Variants in GBE1 observed in about 807,000 individuals in gnomAD.
GBE1 encodes 1,4-alpha-glucan-branching enzyme.
In GBE1, 70 loss-of-function variants were observed where a neutral mutation model predicts 88.8. The observed-to-expected ratio is 0.79, with a 90% CI of 0.65 to 0.96. GBE1 has a LOEUF of 0.96. GBE1 is among the 40% of genes least tolerant of loss of function. The pLI, the probability that GBE1 is intolerant of heterozygous loss-of-function variation, is 0.00. For missense variants in GBE1, 872 were observed against 871.0 expected (o/e 1.00, Z -0.01); for synonymous variants, 284 against 300.1 (o/e 0.95, Z 0.56).
chr3:81,708,797 G>C (rs897004885), intron 1 of GBE1, among the ~76,000 whole-genome samples: 3 of 151,980 alleles, frequency 2.0e-5, no homozygotes, highest in Non-Finnish European at 2.9e-5. Flanking sequence ...AATAACTGTG[G>C]AATATCCAAA....
At chr3:81,661,948 A>C (rs913758609) in intron 3 of GBE1, among the ~76,000 whole-genome samples, 1 of 152,190 alleles carries the variant, frequency 6.6e-6, no homozygotes, top group African/African-American at 2.4e-5. Flanking sequence ...TTGCATTTTA[A>C]ATATATTTAT....
intron 10 of GBE1, among the ~76,000 whole-genome samples, chr3:81,585,596 T>C (rs1559653164): frequency 6.6e-6 from 1 of 152,190 alleles, no homozygotes; most frequent in Admixed American, 6.6e-5. Flanking sequence ...AAGTACCATG[T>C]ACAGTTATTC....
chr3:81,631,115 G>T (rs1474671737), intron 7 of GBE1, among the ~76,000 whole-genome samples: 3 of 151,980 alleles, frequency 2.0e-5, no homozygotes, highest in Non-Finnish European at 4.4e-5. Flanking sequence ...TAGGTGGGAG[G>T]ATTGCTTGGG....
intron 5 of GBE1, among the ~76,000 whole-genome samples, chr3:81,646,921 G>C (rs1334722585): frequency 6.7e-6 from 1 of 148,494 alleles, no homozygotes; most frequent in African/African-American, 2.5e-5. Context: ...TATAGCATAA[G>C]AAATAGCACC....
chr3:81,585,672 C>A (rs1253821579), intron 10 of GBE1, among the ~76,000 whole-genome samples: 1 of 152,052 alleles, frequency 6.6e-6, no homozygotes, highest in Non-Finnish European at 1.5e-5. Context: ...TGAATCCAAT[C>A]CAAATTTGTT....
chr3:81,759,418 T>A lies in GBE1; in HGVS notation c.143+1957A>T, dbSNP rs575666774. 3.0e-3 allele frequency among the ~76,000 whole-genome samples: 463 copies of A among 152,358 alleles called. 1 individual carries two copies. Among genetic ancestry groups the A allele is most frequent in the Non-Finnish European group, 4.8e-3 (328 of 68,032 alleles). The stretch of plus-strand genomic sequence containing the variant: ...GTGTTTGACTGGTTATGTATTTGTG[T>A]TAGGCCAAAGACACACAGTCCAAAT... On this transcript the variant is annotated intron_variant, in intron 1 of 15. Coordinates refer to ENST00000429644, the MANE Select transcript of GBE1 (RefSeq NM_000158.4).
intron 7 of GBE1, among the ~76,000 whole-genome samples, chr3:81,638,112 G>T (rs925237445): frequency 2.6e-5 from 4 of 151,996 alleles, no homozygotes; most frequent in Non-Finnish European, 5.9e-5. Flanking sequence ...TATATATAGT[G>T]TCTATCCTAA....
intron 15 of GBE1, among the ~76,000 whole-genome samples, chr3:81,498,816 T>G (rs924888193): frequency 6.6e-6 from 1 of 152,132 alleles, no homozygotes; most frequent in African/African-American, 2.4e-5. Context: ...ATGTTCATAA[T>G]TGAAAGAAAA....
chr3:81,734,684 C>G (rs910543519), intron 1 of GBE1, among the ~76,000 whole-genome samples: 1 of 151,960 alleles, frequency 6.6e-6, no homozygotes, highest in African/African-American at 2.4e-5. Flanking sequence ...CTTTTATCAC[C>G]CTGCCCTAAA....
chr3:81,649,854 C>A lies in GBE1; in HGVS notation c.497G>T (p.Arg166Leu). 1.2e-6 allele frequency: 2 copies of A among 1,611,482 alleles called. No homozygotes were observed. Among genetic ancestry groups the A allele is most frequent in the Non-Finnish European group, 1.7e-6 (2 of 1,178,006 alleles). ...ATCATAATTCACATTATCACCTTCA[C>A]GAACCACATACTTTGCCCACGGTGA... ...RISPWAKYVV[R>L]EGDNVNYDWI... Residue 166 changes from arginine to leucine, a missense_variant, in exon 4 of 16, where the codon CGT becomes CTT. Arg to Leu is a moderately radical substitution (Grantham distance 102). Transcript: ENST00000429644.
intron 12 of GBE1, among the ~76,000 whole-genome samples, chr3:81,558,950 G>A (rs1326996900): frequency 6.6e-6 from 1 of 152,008 alleles, no homozygotes; most frequent in Non-Finnish European, 1.5e-5. Flanking sequence ...TATTTGCCCA[G>A]GCAATTCTTG....
At chr3:81,655,427 G>C (rs1426672908) in intron 3 of GBE1, among the ~76,000 whole-genome samples, 1 of 152,186 alleles carries the variant, frequency 6.6e-6, no homozygotes, top group Non-Finnish European at 1.5e-5. Flanking sequence ...TTGTAATTAA[G>C]TAGAAAAATA....
intron 2 of GBE1, among the ~76,000 whole-genome samples, chr3:81,703,758 G>C (rs1235643874): frequency 6.6e-6 from 1 of 151,916 alleles, no homozygotes; most frequent in Admixed American, 6.6e-5. Context: ...GTGGATGGTT[G>C]CATCTGTACT....
chr3:81,495,588 C>A (rs369827436), intron 15 of GBE1, among the ~76,000 whole-genome samples: 75 of 152,080 alleles, frequency 4.9e-4, no homozygotes, highest in African/African-American at 1.7e-3. Context: ...TATTCTAATT[C>A]TCATTATTTT....
At chr3:81,617,655 G>A (rs13094809) in intron 7 of GBE1, among the ~76,000 whole-genome samples, 34,893 of 151,456 alleles carry the variant, frequency 0.23, 4,190 homozygotes, top group East Asian at 0.41. Flanking sequence ...CCTAATTCAC[G>A]AGGAATATTG....
rs988884735 is a variant in GBE1 at position 81,733,032 on chromosome 3, T to C, written c.144-27419A>G. 6.6e-6 allele frequency among the ~76,000 whole-genome samples: 1 copy of C among 152,164 alleles called. No individual in the cohort carries two copies. Among genetic ancestry groups the C allele is most frequent in the African/African-American group, 2.4e-5 (1 of 41,448 alleles). On this transcript the variant is annotated intron_variant, in intron 1 of 15. Coordinates refer to ENST00000429644, the MANE Select transcript of GBE1 (RefSeq NM_000158.4). This position sits in a 1 kb window ranked among gnomAD's most constrained non-coding sequence, Gnocchi z 4.0. ...CCGGTCCATGGCCTGTTAGGAATTG[T>C]GTCGCACAGCAGGAGGTGAATGGCA...
At chr3:81,519,798 G>A (rs554365752) in intron 14 of GBE1, among the ~76,000 whole-genome samples, 1 of 151,412 alleles carries the variant, frequency 6.6e-6, no homozygotes, top group African/African-American at 2.4e-5. Context: ...AAGAATTTCT[G>A]GGGAAGAATT....
chr3:81,729,859 A>C (rs541464575), intron 1 of GBE1, among the ~76,000 whole-genome samples: 1 of 152,134 alleles, frequency 6.6e-6, no homozygotes, highest in Non-Finnish European at 1.5e-5. Context: ...TATGCTAAGC[A>C]TGCAGCCAAC....
intron 2 of GBE1, among the ~76,000 whole-genome samples, chr3:81,698,823 T>C (rs1246673533): frequency 6.6e-6 from 1 of 152,190 alleles, no homozygotes; most frequent in Non-Finnish European, 1.5e-5. Context: ...AAGTTCACTA[T>C]GTCTAGTAAA....
Sources: allele counts gnomAD v4.1 joint callset (sites outside exome capture counted in the v4.1 genomes callset), GRCh38; gene constraint gnomAD v4.1.1; non-coding constraint Gnocchi (gnomAD v3.1); transcripts MANE v1.5; gene names NCBI Gene and HGNC (gene_info 2026-07-23, HGNC 2026-07-21).